GTF2F2: variants seen among roughly 807,000 people sequenced by gnomAD.
The protein encoded by GTF2F2 is ATP-dependent helicase GTF2F2.
A neutral mutation model predicts 42.2 loss-of-function variants in GTF2F2; 23 were observed. That is an observed-to-expected ratio of 0.55 (90% CI 0.39 to 0.77). The LOEUF (loss-of-function observed/expected upper bound fraction) is 0.77, where lower values mean the gene tolerates loss of function less well. GTF2F2 is among the 30% of genes least tolerant of loss of function. The pLI is 0.00. For missense variants in GTF2F2, 261 were observed against 287.2 expected (o/e 0.91, Z 0.66); for synonymous variants, 105 against 100.8 (o/e 1.04, Z -0.25).
At chr13:45,171,669 A>C (rs915505095) in intron 4 of GTF2F2, among the ~76,000 whole-genome samples, 1 of 152,212 alleles carries the variant, frequency 6.6e-6, no homozygotes, top group Admixed American at 6.5e-5. Context: ...TTTAAAGTGT[A>C]CAAGTGAATG....
intron 4 of GTF2F2, among the ~76,000 whole-genome samples, chr13:45,164,019 T>C (rs970754517): frequency 2.0e-5 from 3 of 152,144 alleles, no homozygotes; most frequent in Admixed American, 1.3e-4. Flanking sequence ...CCAAGTGTGG[T>C]GGTGCGCATC....
At position 45,212,507 on chromosome 13, in the gene GTF2F2, CT is replaced by C. The variant is rs754806346; in HGVS notation, c.386+5006del. Among the ~76,000 whole-genome samples the C allele has an allele frequency of 2.7e-3, 144 of 53,586 alleles. 8 individuals are homozygous for C. The highest frequency in any genetic ancestry group is 5.3e-3 in the Non-Finnish European group (123 of 23,038). The allele number at this position is 53,586 out of a possible 152,430, so 35.2% of individuals were successfully genotyped here. On this transcript the variant is annotated intron_variant, in intron 5 of 7. Transcript: ENST00000340473. ...TCTTTCTTTCTTTCTTTCTTTCTTT[CT>C]TTTCTTTCTTTCTCTTTCTCTCTTT...
chr13:45,235,066 AAAAAAG>A (rs1220069577), intron 5 of GTF2F2, among the ~76,000 whole-genome samples: 2 of 150,322 alleles, frequency 1.3e-5, no homozygotes, highest in African/African-American at 2.4e-5. Context: ...AAAAAAAAAA[AAAAAAG>A]GTCATAGTTG....
At chr13:45,154,049 G>A (rs1356120367) in intron 4 of GTF2F2, among the ~76,000 whole-genome samples, 3 of 150,454 alleles carry the variant, frequency 2.0e-5, no homozygotes, top group Non-Finnish European at 4.4e-5. Flanking sequence ...TGATTGATGA[G>A]ATTTAATAAG....
At chr13:45,194,802 G>A in intron 4 of GTF2F2, 2 of 514,686 alleles carry the variant, frequency 3.9e-6, no homozygotes, top group Non-Finnish European at 6.9e-6. Flanking sequence ...TATCAGGGAA[G>A]GGATTTGTTG....
At chr13:45,272,852 C>T (rs1299147330) in intron 7 of GTF2F2, among the ~76,000 whole-genome samples, 1 of 151,084 alleles carries the variant, frequency 6.6e-6, no homozygotes, top group Non-Finnish European at 1.5e-5. Flanking sequence ...AATCTTTGGA[C>T]CCAAGCAGTT....
chr13:45,258,901 A>G (rs911426857), intron 6 of GTF2F2, among the ~76,000 whole-genome samples: 5 of 151,676 alleles, frequency 3.3e-5, no homozygotes, highest in African/African-American at 1.2e-4. Flanking sequence ...GTTCTTTGCA[A>G]CTCCCTCCAA....
intron 4 of GTF2F2, among the ~76,000 whole-genome samples, chr13:45,204,579 A>G (rs765663240): frequency 7.2e-5 from 11 of 152,216 alleles, no homozygotes; most frequent in Admixed American, 2.0e-4. Flanking sequence ...TGAAATCTTA[A>G]GCAGTATTTT....
intron 4 of GTF2F2, among the ~76,000 whole-genome samples, chr13:45,174,931 A>C (rs1871799727): frequency 1.3e-5 from 2 of 152,230 alleles, no homozygotes; most frequent in Non-Finnish European, 2.9e-5. Context: ...CTGTCACCTC[A>C]AACATTTATC....
chr13:45,269,908 T>C (rs1876718947), intron 7 of GTF2F2, among the ~76,000 whole-genome samples: 2 of 152,178 alleles, frequency 1.3e-5, no homozygotes, highest in Admixed American at 1.3e-4. Flanking sequence ...CTCTGCTCAC[T>C]GCAACCTCCA....
At position 45,255,349 on chromosome 13, in the gene GTF2F2, T is replaced by TTAAACTCACA. The variant is rs998475074; in HGVS notation, c.486+2379_486+2380insTAAACTCACA. ...AGTGGAACAATGAAATTTAAGAAAG[T>TTAAACTCACA]CAGTGTTAGAGACTGTGTGAACTGG... On this transcript the variant is annotated intron_variant, in intron 6 of 7. Coordinates refer to ENST00000340473, the MANE Select transcript of GTF2F2 (RefSeq NM_004128.3). Among the ~76,000 whole-genome samples the TTAAACTCACA allele has an allele frequency of 1.2e-4, 19 of 152,300 alleles. 1 individual carries two copies. The highest frequency in any genetic ancestry group is 4.1e-4 in the African/African-American group (17 of 41,580).
intron 5 of GTF2F2, among the ~76,000 whole-genome samples, chr13:45,229,694 T>C (rs1230354228): frequency 6.6e-6 from 1 of 152,148 alleles, no homozygotes; most frequent in Non-Finnish European, 1.5e-5. Flanking sequence ...AAAGGAAACC[T>C]GGCCAGAAGA....
chr13:45,182,763 G>A (rs1236729506), intron 4 of GTF2F2, among the ~76,000 whole-genome samples: 2 of 152,080 alleles, frequency 1.3e-5, no homozygotes, highest in Non-Finnish European at 2.9e-5. Flanking sequence ...GGTTTAATTT[G>A]TTAATAATTC....
intron 4 of GTF2F2, among the ~76,000 whole-genome samples, chr13:45,181,823 C>A (rs1399380915): frequency 6.6e-6 from 1 of 152,042 alleles, no homozygotes; most frequent in Non-Finnish European, 1.5e-5. Flanking sequence ...ACTTTGTGAG[C>A]TTGAGCACAT....
chr13:45,122,506 C>T (rs889869471), intron 1 of GTF2F2, among the ~76,000 whole-genome samples: 80 of 151,954 alleles, frequency 5.3e-4, no homozygotes, highest in Admixed American at 3.9e-3. Context: ...TGGTGGTGTG[C>T]GCCTGTAGTC....
chr13:45,176,631 A>G (rs1015022544), intron 4 of GTF2F2, among the ~76,000 whole-genome samples: 1 of 152,056 alleles, frequency 6.6e-6, no homozygotes, highest in Non-Finnish European at 1.5e-5. Context: ...TTAATAGTCC[A>G]GTTTGTCAGT....
chr13:45,270,319 C>G (rs1227553737), intron 7 of GTF2F2, among the ~76,000 whole-genome samples: 2 of 152,116 alleles, frequency 1.3e-5, no homozygotes, highest in Non-Finnish European at 2.9e-5. Flanking sequence ...GATATATTAT[C>G]TTAGTCTGTT....
At chr13:45,233,384 T>G (rs1874788059) in intron 5 of GTF2F2, among the ~76,000 whole-genome samples, 1 of 152,234 alleles carries the variant, frequency 6.6e-6, no homozygotes, top group South Asian at 2.1e-4. Context: ...ATTTCATAAT[T>G]AACCAGAAGA....
At chr13:45,249,985 C>G (rs2138244683) in intron 5 of GTF2F2, among the ~76,000 whole-genome samples, 1 of 151,122 alleles carries the variant, frequency 6.6e-6, no homozygotes, top group South Asian at 2.1e-4. Context: ...AAAGGTTTAT[C>G]TCTTAGAAGC....
Sources: allele counts gnomAD v4.1 joint callset (sites outside exome capture counted in the v4.1 genomes callset), GRCh38; gene constraint gnomAD v4.1.1; transcripts MANE v1.5; gene names NCBI Gene and HGNC (gene_info 2026-07-23, HGNC 2026-07-21).